ITK: variants seen among roughly 807,000 people sequenced by gnomAD.
ITK encodes tyrosine-protein kinase ITK/TSK.
A neutral mutation model predicts 87.6 loss-of-function variants in ITK; 45 were observed. That is an observed-to-expected ratio of 0.51 (90% CI 0.40 to 0.66). ITK has a LOEUF of 0.66. Ranked by LOEUF, ITK falls within the 30% of genes least tolerant of loss-of-function variation. ITK has a pLI of 0.00. For missense variants in ITK, 605 were observed against 766.3 expected (o/e 0.79, Z 2.48); for synonymous variants, 303 against 273.6 (o/e 1.11, Z -1.06).
intron 7 of ITK, 115 bp downstream of exon 7, chr5:157,228,476 G>A (rs1754581714): frequency 2.8e-6 from 2 of 715,060 alleles, no homozygotes; most frequent in Admixed American, 2.0e-5. Context: ...CAACAGCAAT[G>A]TTCACACATA....
intron 2 of ITK, among the ~76,000 whole-genome samples, chr5:157,209,393 C>T (rs1484254377): frequency 6.6e-6 from 1 of 151,778 alleles, no homozygotes; most frequent in African/African-American, 2.4e-5. Context: ...CTCTCTGCCT[C>T]TCTGCTCCAA....
chr5:157,205,482 G>T (rs1400257288), intron 1 of ITK, among the ~76,000 whole-genome samples: 1 of 152,058 alleles, frequency 6.6e-6, no homozygotes, highest in East Asian at 1.9e-4. Context: ...TTTTTTAAAA[G>T]ACATTTGTTT....
chr5:157,229,952 A>T (rs887220625), intron 7 of ITK, among the ~76,000 whole-genome samples: 1 of 152,326 alleles, frequency 6.6e-6, no homozygotes, highest in Non-Finnish European at 1.5e-5. Context: ...ACACATGGTA[A>T]CTAAATACAG....
At chr5:157,226,887 C>T (rs1754543034) in intron 6 of ITK, among the ~76,000 whole-genome samples, 1 of 152,184 alleles carries the variant, frequency 6.6e-6, no homozygotes. Context: ...GCAACCTCCA[C>T]ACCACTGCCC....
intron 12 of ITK, 61 bp from the exon 13 acceptor site, chr5:157,244,201 A>G: frequency 7.6e-7 from 1 of 1,308,446 alleles, no homozygotes; most frequent in South Asian, 1.2e-5. Flanking sequence ...GTACCATAAT[A>G]TTTTCGGCAT....
chr5:157,189,287 G>A (rs891338558), intron 1 of ITK, among the ~76,000 whole-genome samples: 2 of 152,066 alleles, frequency 1.3e-5, no homozygotes, highest in African/African-American at 2.4e-5. Flanking sequence ...TCAGGGACTG[G>A]TACACCCATT....
intron 4 of ITK, 65 bp downstream of exon 4, chr5:157,214,384 C>A: frequency 7.3e-7 from 1 of 1,362,568 alleles, no homozygotes; most frequent in Non-Finnish European, 1.1e-6. Flanking sequence ...AGCTTTTGGC[C>A]TTTAATCATT....
intron 1 of ITK, among the ~76,000 whole-genome samples, chr5:157,207,365 C>G (rs1754100408): frequency 7.3e-6 from 1 of 136,334 alleles, no homozygotes; most frequent in Non-Finnish European, 1.5e-5. Context: ...TATCACGTAT[C>G]TAGATACGTC....
rs1446317881 is a variant in ITK, at chr5:157,233,944, TATATATATATATATATATA to T, written c.768+1551_768+1569del. ...CTCCTTACTGATACATATATATATA[TATATATATATATATATATA>T]TTTTTTTTTTTTTTTTTTTTTTTTT... On this transcript the variant is annotated intron_variant, in intron 8 of 16. Transcript: ENST00000422843. Among the ~76,000 whole-genome samples the T allele has an allele frequency of 4.8e-3, 87 of 18,256 alleles. 3 individuals carry two copies. The highest frequency in any genetic ancestry group is 0.03 in the East Asian group (11 of 368). The allele number at this position is 18,256 out of a possible 152,430, so 12.0% of individuals were successfully genotyped here. A position where few individuals can be genotyped will look rare whatever the true frequency, so the allele number is the denominator to read the frequency against.
intron 6 of ITK, among the ~76,000 whole-genome samples, chr5:157,223,736 C>T (rs1172764839): frequency 6.6e-6 from 1 of 152,074 alleles, no homozygotes; most frequent in East Asian, 1.9e-4. Flanking sequence ...TGCAAATTCC[C>T]TTGTTGAACA....
chr5:157,218,509 C>CAAA (rs1240206241), intron 5 of ITK, among the ~76,000 whole-genome samples: 1 of 87,990 alleles, frequency 1.1e-5, no homozygotes. Context: ...ACCCCGTCTC[C>CAAA]AGAAAAAAAA....
intron 5 of ITK, among the ~76,000 whole-genome samples, chr5:157,218,591 T>C (rs1377922156): frequency 6.6e-6 from 1 of 152,154 alleles, no homozygotes; most frequent in Non-Finnish European, 1.5e-5. Context: ...ATTTTATATA[T>C]TTCAAAGCAC....
chr5:157,211,247 T>C (rs1754186165), intron 2 of ITK, 40 bp from the exon 3 acceptor site: 1 of 1,544,058 alleles, frequency 6.5e-7, no homozygotes, highest in Non-Finnish European at 9.0e-7. Flanking sequence ...ACTATCTCCA[T>C]GCACGCTGCT....
intron 1 of ITK, among the ~76,000 whole-genome samples, chr5:157,198,132 A>G (rs1166824283): frequency 6.6e-6 from 1 of 151,154 alleles, no homozygotes; most frequent in African/African-American, 2.4e-5. Flanking sequence ...AGAAAAAAAA[A>G]AAAAGGAAAG....
chr5:157,239,587 CA>C (rs1754846387), intron 9 of ITK, among the ~76,000 whole-genome samples: 1 of 151,948 alleles, frequency 6.6e-6, no homozygotes, highest in South Asian at 2.1e-4. Context: ...TCCCGAAATC[CA>C]AGTTCCCAAA....
At chr5:157,191,127 A>T (rs1022434807) in intron 1 of ITK, among the ~76,000 whole-genome samples, 1 of 151,606 alleles carries the variant, frequency 6.6e-6, no homozygotes, top group Non-Finnish European at 1.5e-5. Flanking sequence ...TTTTTTATTT[A>T]TTTATTTATT....
chr5:157,250,979 A>G (rs2113778826), intron 16 of ITK, among the ~76,000 whole-genome samples: 2 of 152,392 alleles, frequency 1.3e-5, no homozygotes, highest in Middle Eastern at 6.8e-3. Flanking sequence ...TTATGAATAC[A>G]GCTGCTATAA....
At chr5:157,187,557 C>T (rs1398680676) in intron 1 of ITK, among the ~76,000 whole-genome samples, 1 of 152,088 alleles carries the variant, frequency 6.6e-6, no homozygotes, top group Non-Finnish European at 1.5e-5. Flanking sequence ...AAACAAGTAA[C>T]AAAGACTCCC....
chr5:157,242,393 A>G (rs1346644300), intron 11 of ITK, among the ~76,000 whole-genome samples: 1 of 152,156 alleles, frequency 6.6e-6, no homozygotes, highest in Non-Finnish European at 1.5e-5. Context: ...TGTGCATCAA[A>G]GTCTTCTAGA....
Sources: allele counts gnomAD v4.1 joint callset (sites outside exome capture counted in the v4.1 genomes callset), GRCh38; gene constraint gnomAD v4.1.1; transcripts MANE v1.5; gene names NCBI Gene and HGNC (gene_info 2026-07-23, HGNC 2026-07-21).